Variants in GMNC observed in about 807,000 individuals in gnomAD.
The protein encoded by GMNC is geminin coiled-coil domain containing, also known as geminin coiled-coil domain-containing protein 1.
Under a neutral mutation model 33.6 loss-of-function variants are expected in GMNC, and 16 were observed. The ratio of observed to expected loss-of-function variants is 0.48; its 90% confidence interval spans 0.32 to 0.72. The LOEUF is 0.72. Among genes scored for constraint, GMNC ranks in the 30% least tolerant of loss-of-function variants. The pLI is 0.03. For missense variants in GMNC, 393 were observed against 388.9 expected (o/e 1.01, Z -0.09); for synonymous variants, 156 against 147.3 (o/e 1.06, Z -0.43).
the GMNC span, among the ~76,000 whole-genome samples, chr3:190,845,763 T>A: frequency 1.1e-4 from 16 of 152,116 alleles, no homozygotes; most frequent in African/African-American, 3.9e-4. Context: ...TGCCTTAGCC[T>A]CCCAAAGTGG....
At chr3:190,851,227 G>A (rs1737628625), downstream of GMNC, among the ~76,000 whole-genome samples, 1 of 152,130 alleles carries the variant, frequency 6.6e-6, no homozygotes. Context: ...AAATCAATCT[G>A]GAACATTTAA....
intron 4 of GMNC, 44 bp from the exon 5 acceptor site, chr3:190,855,959 A>G: frequency 7.2e-7 from 1 of 1,384,054 alleles, no homozygotes; most frequent in Non-Finnish European, 9.7e-7. Flanking sequence ...TCATATATTT[A>G]CTAGTTAACT....
rs868568920 is a variant in GMNC, at chr3:190,856,418, T to G, written c.385-503A>C. 2.5e-3 allele frequency among the ~76,000 whole-genome samples: 354 copies of G among 144,420 alleles called. 20 individuals carry two copies. The highest frequency in any genetic ancestry group is 8.5e-3 in the African/African-American group (339 of 39,808). 94.7% of individuals were successfully genotyped at this position (144,420 alleles called of 152,430 possible). A position where few individuals can be genotyped will look rare whatever the true frequency, so the allele number is the denominator to read the frequency against. ...ATTTATATATTTATAAATATATTAATAAATATTAATTTATATAAGTAAATA... is the reference window on the plus strand; with the variant it reads ...ATTTATATATTTATAAATATATTAAGAAATATTAATTTATATAAGTAAATA... On this transcript the variant is annotated intron_variant, in intron 4 of 4. Transcript: ENST00000442080.
In GMNC at chr3:190,862,476, C is replaced by T; in HGVS notation, c.3+137G>A. ...GGATACTAAAAGAGACACAGGGCAG[C>T]AGAGAGGATCTGTTTTAACTGGCGG... On this transcript the variant is annotated intron_variant, in intron 1 of 4. Transcript: ENST00000442080. The surrounding 1 kb of genome is among the most constrained non-coding windows in gnomAD (Gnocchi z 4.5). 1 of 726,258 alleles carries T rather than the reference C, an allele frequency of 1.4e-6. No individual in the cohort carries two copies. Among genetic ancestry groups the T allele is most frequent in the South Asian group, 1.5e-5 (1 of 67,190 alleles). The allele number at this position is 726,258 out of a possible 1,614,324, so 45.0% of individuals were successfully genotyped here. A position where few individuals can be genotyped will look rare whatever the true frequency, so the allele number is the denominator to read the frequency against.
chr3:190,844,793 T>C, the GMNC span, among the ~76,000 whole-genome samples: 1 of 152,192 alleles, frequency 6.6e-6, no homozygotes, highest in South Asian at 2.1e-4. Flanking sequence ...AGTATTCAAA[T>C]ATATAAAATA....
Position 190,854,411 on chromosome 3 carries a change from A to G in GMNC, c.*884T>C, listed in dbSNP as rs1737689650. ...TTTCTTGGGTGGACTGATCAATGAA[A>G]AAATGAATACGCGAATGAATGAATG... On this transcript the variant is annotated 3_prime_UTR_variant, in exon 5 of 5. Transcript: ENST00000442080. The G allele has an allele frequency of 6.6e-6, 1 of 152,128 alleles. No individual in the cohort carries two copies. Among genetic ancestry groups the G allele is most frequent in the African/African-American group, 2.4e-5 (1 of 41,464 alleles). 9.4% of individuals were successfully genotyped at this position (152,128 alleles called of 1,614,324 possible).
rs570680663 is a variant in GMNC at position 190,853,946 on chromosome 3, A to C, written c.*1349T>G. 6.6e-6 allele frequency: 1 copy of C among 152,270 alleles called. No homozygotes were observed. Among genetic ancestry groups the C allele is most frequent in the South Asian group, 2.1e-4 (1 of 4,824 alleles). 9.4% of individuals were successfully genotyped at this position (152,270 alleles called of 1,614,324 possible). On this transcript the variant is annotated 3_prime_UTR_variant, in exon 5 of 5. Transcript: ENST00000442080. ...ATTTTTAGAGGCAAATTATTCTTAC[A>C]CAGTTACGCCGAGTTAACTGCAAAA...
Position 190,861,075 on chromosome 3 carries a change from C to G in GMNC, c.4-217G>C, listed in dbSNP as rs553648461. Among the ~76,000 whole-genome samples the G allele has an allele frequency of 1.8e-4, 27 of 152,090 alleles. No individual in the cohort carries two copies. The highest frequency in any genetic ancestry group is 2.4e-4 in the Non-Finnish European group (16 of 67,986). On this transcript the variant is annotated intron_variant, in intron 1 of 4. Transcript: ENST00000442080. The surrounding 1 kb of genome is among the most constrained non-coding windows in gnomAD (Gnocchi z 5.1). ...AGTTTCTTGGTTTACCCAGAATTTC[C>G]CTTAGGCCCTCTGAGCAAAAGAGCA... is the stretch of plus-strand genomic sequence containing the variant.
In GMNC at chr3:190,862,416, G is replaced by A. The variant is rs892928916; in HGVS notation, c.3+197C>T. Among the ~76,000 whole-genome samples, 1 of 144,102 alleles carries A rather than the reference G, an allele frequency of 6.9e-6. No individual in the cohort carries two copies. Among genetic ancestry groups the A allele is most frequent in the African/African-American group, 2.8e-5 (1 of 36,288 alleles). The allele number at this position is 144,102 out of a possible 152,430, so 94.5% of individuals were successfully genotyped here. On this transcript the variant is annotated intron_variant, in intron 1 of 4. Transcript: ENST00000442080. This position sits in a 1 kb window ranked among gnomAD's most constrained non-coding sequence, Gnocchi z 4.5. ...GAGAGAAAGAAGAGGGAGAGAGGGA[G>A]AGAAAGAGAGAGAGAGAGAGAGAAA...
chr3:190,860,826 A>G lies in GMNC; in HGVS notation c.36T>C (p.Phe12=), dbSNP rs1388536028. 1.5e-5 allele frequency: 24 copies of G among 1,551,362 alleles called. No individual in the cohort carries two copies. Among genetic ancestry groups the G allele is most frequent in the Non-Finnish European group, 2.1e-5 (24 of 1,146,822 alleles). ...NTILPCQDQY[F]VGGQSYNCPY... ...GGCAATTATAGCTCTGGCCTCCTAC[A>G]AAGTACTGGTCTTGGCAAGGCAGAA... Residue 12 remains phenylalanine, a synonymous_variant, in exon 2 of 5, where the codon TTT becomes TTC. Coordinates refer to ENST00000442080, the MANE Select transcript of GMNC (RefSeq NM_001146686.3).
At chr3:190,852,026 C>CAT (rs10669685), downstream of GMNC, among the ~76,000 whole-genome samples, 49,603 of 151,570 alleles carry the variant, frequency 0.33, 10,045 homozygotes, top group African/African-American at 0.56. Flanking sequence ...AGTTGAAAAA[C>CAT]ATTATATATT....
intron 3 of GMNC, 40 bp downstream of exon 3, chr3:190,858,888 A>G: frequency 8.3e-7 from 1 of 1,200,020 alleles, no homozygotes. Context: ...AATGGACCAC[A>G]TAGAACATGA....
At chr3:190,852,223 C>T (rs1282958144), downstream of GMNC, among the ~76,000 whole-genome samples, 5 of 152,108 alleles carry the variant, frequency 3.3e-5, no homozygotes, top group Non-Finnish European at 7.4e-5. Context: ...CTATACTTTT[C>T]TCCACATCTA....
intron 4 of GMNC, among the ~76,000 whole-genome samples, chr3:190,857,560 G>A (rs1737773672): frequency 6.6e-6 from 1 of 152,090 alleles, no homozygotes; most frequent in African/African-American, 2.4e-5. Context: ...TGATTTTTAA[G>A]CAACTTCTTT....
In GMNC at chr3:190,857,895, T is replaced by C. The variant is rs1163613837; in HGVS notation, c.272A>G (p.Gln91Arg). ...SSQLYRNKQL[Q>R]DTLVQKEEEL... ...TTCTTCCTTCTGCACCAGGGTATCT[T>C]GCAGCTACAAAAAGCAGACAGTGGT... The change falls in exon 4 of 5, where the codon CAA becomes CGA. Residue 91 changes from glutamine to arginine, a missense_variant. Gln to Arg is a conservative substitution (Grantham distance 43, BLOSUM62 1). Transcript: ENST00000442080. 1 of 1,535,546 alleles carries C rather than the reference T, an allele frequency of 6.5e-7. No individual in the cohort carries two copies.
In GMNC at chr3:190,855,752, G is replaced by A. The variant is rs921129428; in HGVS notation, c.548C>T (p.Pro183Leu). Reference protein sequence around the residue: ...EFANCEEQAGPPVDPWVLQTL... With the variant: ...EFANCEEQAGLPVDPWVLQTL... ...TTGAAGGACCCAGGGATCCACAGGG[G>A]GCCCAGCTTGTTCTTCACAGTTAGC... The change falls in exon 5 of 5, where the codon CCC becomes CTC. Residue 183 changes from proline to leucine, a missense_variant. Transcript: ENST00000442080. 23 of 1,551,312 alleles carry A rather than the reference G, an allele frequency of 1.5e-5. No individual in the cohort carries two copies. The highest frequency in any genetic ancestry group is 2.0e-5 in the Admixed American group (1 of 50,944).
At chr3:190,847,611 T>C in the GMNC span, among the ~76,000 whole-genome samples, 2 of 152,190 alleles carry the variant, frequency 1.3e-5, no homozygotes, top group Non-Finnish European at 2.9e-5. Context: ...TCCTCTTTCA[T>C]TGCCCTGGAT....
the GMNC span, among the ~76,000 whole-genome samples, chr3:190,844,139 A>G: frequency 6.6e-6 from 1 of 152,134 alleles, no homozygotes; most frequent in African/African-American, 2.4e-5. Context: ...CACGTATTTG[A>G]CAATTCTTTG....
At chr3:190,858,783 C>T in intron 3 of GMNC, 145 bp downstream of exon 3, 1 of 438,836 alleles carries the variant, frequency 2.3e-6, no homozygotes, top group East Asian at 3.5e-5. Context: ...GATCATCTAA[C>T]TTTGATCTCT....
Sources: allele counts gnomAD v4.1 joint callset (sites outside exome capture counted in the v4.1 genomes callset), GRCh38; gene constraint gnomAD v4.1.1; non-coding constraint Gnocchi (gnomAD v3.1); transcripts MANE v1.5; gene names NCBI Gene and HGNC (gene_info 2026-07-23, HGNC 2026-07-21).